Variants in SRPK2 observed in about 807,000 individuals in gnomAD.
SRPK2 encodes the protein SRSF protein kinase 2, also known as SFRS protein kinase 2.
SRPK2 carries 21 observed loss-of-function variants against 90.8 expected under a neutral mutation model. That is an observed-to-expected ratio of 0.23 (90% CI 0.16 to 0.33). SRPK2 has a LOEUF of 0.33. SRPK2 is among the 10% of genes least tolerant of loss of function. The probability of loss-of-function intolerance (pLI) is 1.00; values close to 1 mark genes in which losing one functional copy is unlikely to be tolerated. For synonymous variants in SRPK2, 288 were observed against 311.1 expected (o/e 0.93, Z 0.78); for missense variants, 620 against 869.0 (o/e 0.71, Z 3.60).
At chr7:105,234,254 TG>T (rs1799869634) in intron 2 of SRPK2, among the ~76,000 whole-genome samples, 1 of 152,230 alleles carries the variant, frequency 6.6e-6, no homozygotes, top group Admixed American at 6.5e-5. Flanking sequence ...GGGTGTTTTT[TG>T]TTTGTTTTAA....
intron 2 of SRPK2, among the ~76,000 whole-genome samples, chr7:105,284,172 T>C (rs1232510850): frequency 6.6e-6 from 1 of 152,208 alleles, no homozygotes; most frequent in Non-Finnish European, 1.5e-5. Flanking sequence ...ACAGCTGTGC[T>C]GCCGAGCATG....
chr7:105,290,194 C>T (rs954204171), intron 2 of SRPK2, among the ~76,000 whole-genome samples: 3 of 79,140 alleles, frequency 3.8e-5, no homozygotes, highest in East Asian at 7.3e-4. Context: ...GACACAGGCT[C>T]TTCAAAAAAA....
chr7:105,331,603 A>C (rs988329272), intron 2 of SRPK2, among the ~76,000 whole-genome samples: 3 of 152,192 alleles, frequency 2.0e-5, no homozygotes, highest in African/African-American at 7.2e-5. Context: ...TACTTTTTAA[A>C]TACATACGAC....
chr7:105,242,520 A>G (rs113341428), intron 2 of SRPK2, among the ~76,000 whole-genome samples: 137 of 152,288 alleles, frequency 9.0e-4, no homozygotes, highest in African/African-American at 3.1e-3. Context: ...CAATAAATAA[A>G]TAAATAAATA....
intron 15 of SRPK2, among the ~76,000 whole-genome samples, chr7:105,124,205 C>T (rs1046967257): frequency 1.3e-5 from 2 of 152,188 alleles, no homozygotes; most frequent in African/African-American, 4.8e-5. Flanking sequence ...TGCCTGCAGG[C>T]CGCTGACAGG....
At chr7:105,319,994 C>G (rs1812764064) in intron 2 of SRPK2, among the ~76,000 whole-genome samples, 1 of 151,824 alleles carries the variant, frequency 6.6e-6, no homozygotes, top group African/African-American at 2.4e-5. Context: ...AAATTTAATT[C>G]AGCTGAAGTT....
At chr7:105,131,309 C>T (rs1801966010) in intron 13 of SRPK2, among the ~76,000 whole-genome samples, 1 of 152,136 alleles carries the variant, frequency 6.6e-6, no homozygotes, top group African/African-American at 2.4e-5. Flanking sequence ...ACACTAACTC[C>T]CACGTCTCAG....
intron 11 of SRPK2, among the ~76,000 whole-genome samples, chr7:105,139,979 T>C (rs1196213968): frequency 6.6e-6 from 1 of 152,174 alleles, no homozygotes; most frequent in Non-Finnish European, 1.5e-5. Flanking sequence ...GTCTCTGATA[T>C]AAAACGGTGT....
At chr7:105,163,630 A>AAAAAAAC (rs1563012759) in intron 6 of SRPK2, among the ~76,000 whole-genome samples, 1 of 152,058 alleles carries the variant, frequency 6.6e-6, no homozygotes, top group Non-Finnish European at 1.5e-5. Context: ...TCCCGTCTCT[A>AAAAAAAC]AAAAAATAAA....
intron 2 of SRPK2, among the ~76,000 whole-genome samples, chr7:105,292,826 T>G (rs1001089474): frequency 6.6e-6 from 1 of 152,212 alleles, no homozygotes; most frequent in African/African-American, 2.4e-5. Context: ...GGCACTTGAA[T>G]GTTTATGAGT....
At chr7:105,280,991 T>C (rs1360007179) in intron 2 of SRPK2, among the ~76,000 whole-genome samples, 5 of 141,082 alleles carry the variant, frequency 3.5e-5, no homozygotes, top group Admixed American at 2.9e-4. Flanking sequence ...AAAAACCTTG[T>C]TTATAAGGCA....
chr7:105,282,995 C>T (rs896103501), intron 2 of SRPK2, among the ~76,000 whole-genome samples: 2 of 151,620 alleles, frequency 1.3e-5, no homozygotes, highest in Non-Finnish European at 2.9e-5. Flanking sequence ...TTTAAATATA[C>T]ATGTGCCAAA....
chr7:105,388,734 G>A (rs751686213), intron 1 of SRPK2, 32 bp from the exon 2 acceptor site: 1 of 1,559,810 alleles, frequency 6.4e-7, no homozygotes, highest in South Asian at 1.2e-5. Context: ...TTAACGGTCG[G>A]GCCGCCCGCC....
At chr7:105,303,463 TAA>T (rs569579209) in intron 2 of SRPK2, among the ~76,000 whole-genome samples, 1 of 148,518 alleles carries the variant, frequency 6.7e-6, no homozygotes, top group African/African-American at 2.5e-5. Context: ...AAAGTATAAT[TAA>T]AAAAAAAATG....
chr7:105,264,752 T>C lies in SRPK2; in HGVS notation c.72-60967A>G, dbSNP rs781722008. Among the ~76,000 whole-genome samples, 42 of 152,230 alleles carry C rather than the reference T, an allele frequency of 2.8e-4. 1 individual carries two copies. The highest frequency in any genetic ancestry group is 1.4e-3 in the Admixed American group (22 of 15,274). On this transcript the variant is annotated intron_variant, in intron 2 of 15. Coordinates refer to ENST00000393651, the MANE Select transcript of SRPK2 (RefSeq NM_182692.3). ...ATATAGCACTGTTGTGAGTTGTTAA[T>C]TTTTAGTTCATTGTGAACTTTATCA...
At chr7:105,151,009 C>T (rs1805562705) in intron 7 of SRPK2, among the ~76,000 whole-genome samples, 1 of 152,096 alleles carries the variant, frequency 6.6e-6, no homozygotes, top group African/African-American at 2.4e-5. Flanking sequence ...CCTCAGTGTG[C>T]AAATGTGTTC....
At chr7:105,397,490 C>A (rs891169367) in intron 1 of SRPK2, among the ~76,000 whole-genome samples, 19 of 151,686 alleles carry the variant, frequency 1.3e-4, no homozygotes, top group Admixed American at 1.2e-3. Flanking sequence ...CCACCATGCC[C>A]GGGTAATTTT....
intron 2 of SRPK2, among the ~76,000 whole-genome samples, chr7:105,324,047 A>G (rs1332381979): frequency 6.7e-6 from 1 of 148,178 alleles, no homozygotes; most frequent in Non-Finnish European, 1.5e-5. Flanking sequence ...CCCGGGCTGG[A>G]GTGCAATGGC....
At chr7:105,176,789 C>G (rs944307027) in intron 3 of SRPK2, among the ~76,000 whole-genome samples, 2 of 151,144 alleles carry the variant, frequency 1.3e-5, no homozygotes, top group Non-Finnish European at 2.9e-5. Flanking sequence ...ATATATATAC[C>G]ACGCCTGGCT....
Sources: gnomAD v4.1 joint callset for allele counts (sites outside exome capture counted in the v4.1 genomes callset) on GRCh38, gnomAD v4.1.1 for gene constraint, MANE v1.5 for transcripts, NCBI Gene and HGNC (gene_info 2026-07-23, HGNC 2026-07-21) for gene names.